NOL4L: variants seen among roughly 807,000 people sequenced by gnomAD.
The protein encoded by NOL4L is nucleolar protein 4-like.
A neutral mutation model predicts 64.5 loss-of-function variants in NOL4L; 7 were observed. The observed-to-expected ratio is 0.11, with a 90% CI of 0.06 to 0.20. The LOEUF (loss-of-function observed/expected upper bound fraction) is 0.20, where lower values mean the gene tolerates loss of function less well. NOL4L is among the 10% of genes least tolerant of loss of function. NOL4L has a pLI of 1.00. For missense variants in NOL4L, 680 were observed against 967.1 expected, an observed-to-expected ratio of 0.70 and a Z score of 3.94; for synonymous variants, 413 against 401.0, an observed-to-expected ratio of 1.03 and a Z score of -0.36.
intron 4 of NOL4L, among the ~76,000 whole-genome samples, chr20:32,496,661 C>A (rs1198888591): frequency 6.6e-6 from 1 of 151,924 alleles, no homozygotes; most frequent in African/African-American, 2.4e-5. Context: ...AGTGATTCTT[C>A]TGCCTCAGCC....
chr20:32,527,527 C>T (rs558255430), intron 2 of NOL4L, among the ~76,000 whole-genome samples: 1 of 152,232 alleles, frequency 6.6e-6, no homozygotes, highest in South Asian at 2.1e-4. Context: ...CCCTCCCTCT[C>T]ACCCCCTTCA....
chr20:32,499,156 C>A lies in NOL4L; in HGVS notation c.699+12191G>T, dbSNP rs1034071985. On this transcript the variant is annotated intron_variant, in intron 4 of 10. Transcript: ENST00000621426. The stretch of plus-strand genomic sequence containing the variant: ...CCTCCCAAAGTGCTGGGATTACAGG[C>A]GTGAGCCACTGCTCCTGGCCAAAAA... Among the ~76,000 whole-genome samples the A allele has an allele frequency of 3.9e-5, 6 of 152,028 alleles. 1 individual carries two copies. Among genetic ancestry groups the A allele is most frequent in the Non-Finnish European group, 8.8e-5 (6 of 68,008 alleles).
At chr20:32,541,604 C>T (rs997994259) in intron 1 of NOL4L, among the ~76,000 whole-genome samples, 4 of 152,198 alleles carry the variant, frequency 2.6e-5, no homozygotes, top group African/African-American at 7.2e-5. Context: ...TCCATCGGCC[C>T]GGGCCTGGAA....
At chr20:32,486,838 C>T (rs1407948410) in intron 4 of NOL4L, 1 of 460,764 alleles carries the variant, frequency 2.2e-6, no homozygotes, top group Non-Finnish European at 4.5e-6. Context: ...ATGTGCTCCC[C>T]CAACATGCTT....
intron 5 of NOL4L, among the ~76,000 whole-genome samples, chr20:32,467,449 C>T (rs1010173753): frequency 3.9e-5 from 6 of 152,140 alleles, no homozygotes; most frequent in African/African-American, 7.2e-5. Context: ...AAGCACAACC[C>T]GGGCGGTGGT....
chr20:32,456,682 C>A (rs2013566199), intron 5 of NOL4L, among the ~76,000 whole-genome samples: 4 of 152,210 alleles, frequency 2.6e-5, no homozygotes, highest in Admixed American at 2.6e-4. Flanking sequence ...TATGTCCAGG[C>A]TTAAGGGAGA....
At chr20:32,525,244 C>T (rs2018089604) in intron 2 of NOL4L, among the ~76,000 whole-genome samples, 1 of 152,244 alleles carries the variant, frequency 6.6e-6, no homozygotes, top group African/African-American at 2.4e-5. Context: ...CCAAAGAGTG[C>T]CTGTGGACGA....
intron 4 of NOL4L, among the ~76,000 whole-genome samples, chr20:32,490,632 C>G (rs1260658587): frequency 6.6e-6 from 1 of 152,216 alleles, no homozygotes; most frequent in Non-Finnish European, 1.5e-5. Context: ...CAGTCCAATA[C>G]TATTTCCTCA....
At chr20:32,451,312 C>A (rs2012880483) in intron 10 of NOL4L, among the ~76,000 whole-genome samples, 1 of 152,228 alleles carries the variant, frequency 6.6e-6, no homozygotes, top group South Asian at 2.1e-4. Flanking sequence ...ACAGACCACA[C>A]AATTCACGGC....
chr20:32,523,981 G>A (rs915575141), intron 2 of NOL4L, among the ~76,000 whole-genome samples: 5 of 152,194 alleles, frequency 3.3e-5, no homozygotes, highest in African/African-American at 1.2e-4. Flanking sequence ...CCTGAGGGTG[G>A]ATTAGCACGT....
intron 4 of NOL4L, chr20:32,483,402 C>T (rs2015871791): frequency 1.0e-6 from 1 of 986,566 alleles, no homozygotes; most frequent in Non-Finnish European, 1.2e-6. Context: ...TCGGGATCCG[C>T]GAGTGAGCGG....
chr20:32,525,592 G>T (rs914048051), intron 2 of NOL4L, among the ~76,000 whole-genome samples: 4 of 152,124 alleles, frequency 2.6e-5, no homozygotes, highest in African/African-American at 7.2e-5. Context: ...GCACAATGGT[G>T]AATTTTATTT....
intron 1 of NOL4L, among the ~76,000 whole-genome samples, chr20:32,567,206 C>T (rs1193124711): frequency 2.0e-5 from 3 of 152,186 alleles, no homozygotes; most frequent in East Asian, 1.9e-4. Flanking sequence ...CCTGGGGCTG[C>T]GTCAGGGAAA....
At position 32,447,347 on chromosome 20, in the gene NOL4L, A is replaced by G; in HGVS notation, c.*249T>C. ...TGTCAGGGGAGCCCCCAACCCTTCC[A>G]GAGCTGCCCCGTTGGCCTCTTCCAA... is the stretch of plus-strand genomic sequence containing the variant. On this transcript the variant is annotated 3_prime_UTR_variant, in exon 11 of 11. Coordinates refer to ENST00000621426, the MANE Select transcript of NOL4L (RefSeq NM_001256798.2). The G allele has an allele frequency of 1.7e-6, 1 of 602,860 alleles. No individual in the cohort carries two copies. 37.3% of individuals were successfully genotyped at this position (602,860 alleles called of 1,614,324 possible).
intron 9 of NOL4L, 100 bp from the exon 10 acceptor site, chr20:32,452,537 C>T: frequency 1.2e-5 from 14 of 1,120,766 alleles, no homozygotes; most frequent in Non-Finnish European, 1.6e-5. Context: ...CCCCAGGACT[C>T]CTGGGACCCA....
At chr20:32,529,186 G>A (rs2018253790) in intron 1 of NOL4L, among the ~76,000 whole-genome samples, 3 of 152,308 alleles carry the variant, frequency 2.0e-5, no homozygotes, top group South Asian at 4.1e-4. Flanking sequence ...GTGACCCCGA[G>A]CACTTACTGT....
chr20:32,501,221 AT>A (rs2016911405), intron 4 of NOL4L, among the ~76,000 whole-genome samples: 1 of 152,244 alleles, frequency 6.6e-6, no homozygotes, highest in Non-Finnish European at 1.5e-5. Flanking sequence ...ATGACACTCC[AT>A]GTCTGTGGTC....
intron 1 of NOL4L, among the ~76,000 whole-genome samples, chr20:32,582,456 C>T (rs898084357): frequency 5.9e-5 from 9 of 152,188 alleles, no homozygotes; most frequent in African/African-American, 2.2e-4. Flanking sequence ...TGCATGTGGC[C>T]TGGATAGGGG....
In NOL4L at chr20:32,581,016, G is replaced by A. The variant is rs1001675722; in HGVS notation, c.321+3554C>T. On this transcript the variant is annotated intron_variant, in intron 1 of 10. Transcript: ENST00000621426. ...AGGGGTTTGCTTCCCCCGCTTGGCA[G>A]CCCACAGGCCTGGAGCAGGCCAAAC... Among the ~76,000 whole-genome samples the A allele has an allele frequency of 9.2e-5, 14 of 152,260 alleles. 1 individual carries two copies. Among genetic ancestry groups the A allele is most frequent in the Non-Finnish European group, 1.5e-5 (1 of 68,036 alleles).
Sources: allele counts gnomAD v4.1 joint callset (sites outside exome capture counted in the v4.1 genomes callset), GRCh38; gene constraint gnomAD v4.1.1; transcripts MANE v1.5; gene names NCBI Gene and HGNC (gene_info 2026-07-23, HGNC 2026-07-21).